The following RNF212B variants were observed in gnomAD, a reference collection of about 807,000 sequenced individuals.
RNF212B encodes the protein ring finger protein 212B, also known as E3 ubiquitin-protein ligase RNF212B.
A neutral mutation model predicts 55.5 loss-of-function variants in RNF212B; 52 were observed. The ratio of observed to expected loss-of-function variants is 0.94; its 90% CI spans 0.75 to 1.18. The LOEUF is 1.18. RNF212B is among the 50% of genes most tolerant of loss of function. The pLI is 0.00. For synonymous variants in RNF212B, 99 were observed against 121.4 expected, an observed-to-expected ratio of 0.82 and a Z score of 1.21; for missense variants, 289 against 350.4, an observed-to-expected ratio of 0.82 and a Z score of 1.40.
chr14:23,186,513 C>A (rs775241251), intron 1 of RNF212B, among the ~76,000 whole-genome samples: 1 of 152,028 alleles, frequency 6.6e-6, no homozygotes, highest in Non-Finnish European at 1.5e-5. Flanking sequence ...CCATGCCTGG[C>A]TAATTTTTGT....
At chr14:23,232,695 G>T (rs1404990389) in intron 2 of RNF212B, among the ~76,000 whole-genome samples, 2 of 150,546 alleles carry the variant, frequency 1.3e-5, no homozygotes, top group Non-Finnish European at 1.5e-5. Context: ...GAGGTGGGGG[G>T]TCAGCCCCCG....
intron 2 of RNF212B, among the ~76,000 whole-genome samples, chr14:23,240,776 G>T (rs1375507071): frequency 6.6e-6 from 1 of 152,220 alleles, no homozygotes; most frequent in African/African-American, 2.4e-5. Context: ...ATAGAGGAAA[G>T]TTTGGCTGAT....
chr14:23,268,977 T>A lies in RNF212B; in HGVS notation c.674+14T>A. On this transcript the variant is annotated intron_variant, in intron 12 of 14. Transcript: ENST00000430154. ...CCTATCTTATAGGTCAGTAACACTA[T>A]GCTTCCTTTTTCTTGGGATGTGTTC... 6.5e-7 allele frequency: 1 copy of A among 1,547,188 alleles called. No homozygotes were observed. The highest frequency in any genetic ancestry group is 1.4e-5 in the African/African-American group (1 of 73,066).
intron 13 of RNF212B, 36 bp downstream of exon 13, chr14:23,269,996 C>T: frequency 9.3e-7 from 1 of 1,076,710 alleles, no homozygotes; most frequent in South Asian, 1.4e-5. Flanking sequence ...AATGGAGCTT[C>T]AACTATAGAC....
intron 7 of RNF212B, 36 bp downstream of exon 7, chr14:23,260,723 C>G (rs1885234192): frequency 1.3e-6 from 2 of 1,538,746 alleles, no homozygotes; most frequent in Non-Finnish European, 8.8e-7. Flanking sequence ...GCCCAGCCCC[C>G]TGAAAATTCC....
intron 2 of RNF212B, among the ~76,000 whole-genome samples, chr14:23,218,985 T>C (rs542071480): frequency 5.6e-4 from 86 of 152,310 alleles, no homozygotes; most frequent in Non-Finnish European, 1.1e-3. Flanking sequence ...AGCACCAATA[T>C]GTCTGGCAGC....
chr14:23,253,561 C>T (rs1884573038), intron 4 of RNF212B, among the ~76,000 whole-genome samples: 1 of 151,992 alleles, frequency 6.6e-6, no homozygotes, highest in Admixed American at 6.6e-5. Context: ...CCACTTTATT[C>T]TAGTGTTGTA....
chr14:23,192,660 A>T (rs1000327002), intron 1 of RNF212B, among the ~76,000 whole-genome samples: 1 of 152,182 alleles, frequency 6.6e-6, no homozygotes, highest in African/African-American at 2.4e-5. Flanking sequence ...CTTTGTGCAC[A>T]TGTACCCTAG....
chr14:23,268,000 AT>A (rs1265176015), intron 11 of RNF212B, among the ~76,000 whole-genome samples: 7 of 152,138 alleles, frequency 4.6e-5, no homozygotes, highest in African/African-American at 1.7e-4. Flanking sequence ...TGTTTTCTAT[AT>A]GTCATGCTTT....
chr14:23,271,124 G>A (rs894626485), intron 14 of RNF212B, among the ~76,000 whole-genome samples: 7 of 152,140 alleles, frequency 4.6e-5, no homozygotes, highest in African/African-American at 1.7e-4. Context: ...GTAACAAGGA[G>A]AGGTTTGTAA....
chr14:23,264,584 G>T (rs1013382208), intron 10 of RNF212B, 39 bp from the exon 11 acceptor site: 2 of 1,274,778 alleles, frequency 1.6e-6, no homozygotes, highest in Non-Finnish European at 2.0e-6. Flanking sequence ...AGATAACTGA[G>T]ATATATTTAT....
chr14:23,243,449 A>G (rs972331591), intron 3 of RNF212B, 141 bp downstream of exon 3: 3 of 739,458 alleles, frequency 4.1e-6, no homozygotes, highest in Middle Eastern at 4.8e-4. Flanking sequence ...TAATCCCAGC[A>G]CTTTGGGAGG....
intron 9 of RNF212B, among the ~76,000 whole-genome samples, chr14:23,263,760 A>C (rs1885477584): frequency 6.6e-6 from 1 of 152,146 alleles, no homozygotes; most frequent in Non-Finnish European, 1.5e-5. Flanking sequence ...CCCCAAAAAA[A>C]ACGAGTGTTC....
intron 2 of RNF212B, among the ~76,000 whole-genome samples, chr14:23,212,771 G>A (rs1265873050): frequency 2.0e-5 from 3 of 151,862 alleles, no homozygotes; most frequent in Non-Finnish European, 4.4e-5. Context: ...TTCCCAAAGT[G>A]CTGGGATTAC....
chr14:23,258,566 G>A lies in RNF212B; in HGVS notation c.246G>A (p.Lys82=), dbSNP rs1255673864. ...SHISQVWSFQ[K]KQTDLLIAFY... ...CCTAGTAGGTGTGGAGTTTCCAGAA[G>A]AAACAAACAGATCTCCTCATCGCCT... The change falls in exon 5 of 15, where the codon AAG becomes AAA. Residue 82 remains lysine (K), a synonymous_variant. Coordinates refer to ENST00000430154, the MANE Select transcript of RNF212B (RefSeq NM_001282322.3). The A allele has an allele frequency of 2.0e-5, 31 of 1,534,150 alleles. No individual in the cohort carries two copies. Among genetic ancestry groups the A allele is most frequent in the Non-Finnish European group, 2.6e-5 (30 of 1,138,976 alleles).
chr14:23,260,588 G>GT (rs1300006155), intron 6 of RNF212B, 71 bp from the exon 7 acceptor site: 1 of 1,429,448 alleles, frequency 7.0e-7, no homozygotes, highest in Non-Finnish European at 9.6e-7. Context: ...TATCTCGCAA[G>GT]TAAGACTGAA....
At chr14:23,235,039 C>G (rs1179650706), upstream of RNF212B, among the ~76,000 whole-genome samples, 1 of 152,022 alleles carries the variant, frequency 6.6e-6, no homozygotes, top group Non-Finnish European at 1.5e-5. Flanking sequence ...TGGTGAAACC[C>G]CATCTCAACT....
At chr14:23,194,534 T>C (rs1878447466) in intron 2 of RNF212B, among the ~76,000 whole-genome samples, 1 of 151,976 alleles carries the variant, frequency 6.6e-6, no homozygotes, top group Non-Finnish European at 1.5e-5. Flanking sequence ...GCTCAGGAGT[T>C]TGAGACCACC....
intron 1 of RNF212B, among the ~76,000 whole-genome samples, chr14:23,239,273 T>G (rs1883380594): frequency 6.6e-6 from 1 of 152,222 alleles, no homozygotes; most frequent in Admixed American, 6.5e-5. Flanking sequence ...TTGGCCAGGC[T>G]GGTCTTGAAC....
Sources: gnomAD v4.1 joint callset for allele counts (sites outside exome capture counted in the v4.1 genomes callset) on GRCh38, gnomAD v4.1.1 for gene constraint, MANE v1.5 for transcripts, NCBI Gene and HGNC (gene_info 2026-07-23, HGNC 2026-07-21) for gene names.